CELF2: variants seen among roughly 807,000 people sequenced by gnomAD.
The protein encoded by CELF2 is CUGBP Elav-like family member 2.
A neutral mutation model predicts 62.6 loss-of-function variants in CELF2; 8 were observed. That is an observed-to-expected ratio of 0.13 (90% CI 0.07 to 0.23). CELF2 has a LOEUF of 0.23. Among genes scored for constraint, CELF2 ranks in the 10% least tolerant of loss-of-function variants. The probability of loss-of-function intolerance (pLI) is 1.00; values close to 1 mark genes in which losing one functional copy is unlikely to be tolerated. For synonymous variants in CELF2, 258 were observed against 250.0 expected (o/e 1.03, Z -0.30); for missense variants, 333 against 671.0 (o/e 0.50, Z 5.56).
chr10:10,641,271 C>T, the CELF2 span, among the ~76,000 whole-genome samples: 1 of 152,182 alleles, frequency 6.6e-6, no homozygotes, highest in Admixed American at 6.5e-5. Context: ...CAGCACGTGA[C>T]TTAGTTTCTG....
chr10:10,950,948 T>C (rs1403719585), intron 2 of CELF2, among the ~76,000 whole-genome samples: 10 of 152,202 alleles, frequency 6.6e-5, no homozygotes, highest in African/African-American at 2.2e-4. Flanking sequence ...GATTTGAGCA[T>C]TGTGGTGTGT....
chr10:11,321,661 A>T lies in CELF2; in HGVS notation c.1294+275A>T, dbSNP rs192697339. ...GGTCATGCCTGTGACTAGCCACTGC[A>T]CTCCATTCGGGGAACACAGACATAC... On this transcript the variant is annotated intron_variant, in intron 11 of 12. Transcript: ENST00000633077. The surrounding 1 kb of genome is among the most constrained non-coding windows in gnomAD (Gnocchi z 6.2). Among the ~76,000 whole-genome samples the T allele has an allele frequency of 5.2e-4, 79 of 152,138 alleles. No individual in the cohort carries two copies. Among genetic ancestry groups the T allele is most frequent in the African/African-American group, 1.9e-3 (77 of 41,422 alleles).
chr10:10,683,730 T>G, the CELF2 span, among the ~76,000 whole-genome samples: 1 of 152,204 alleles, frequency 6.6e-6, no homozygotes, highest in Non-Finnish European at 1.5e-5. Flanking sequence ...TCATATATGA[T>G]GGGCTTGGTT....
intron 2 of CELF2, among the ~76,000 whole-genome samples, chr10:11,000,109 C>T (rs898680464): frequency 1.3e-5 from 2 of 152,208 alleles, no homozygotes; most frequent in African/African-American, 4.8e-5. Context: ...CCATTGTGAA[C>T]ATGTTGTCTG....
intron 1 of CELF2, among the ~76,000 whole-genome samples, chr10:11,093,646 A>G (rs926745819): frequency 4.6e-5 from 7 of 152,218 alleles, no homozygotes; most frequent in African/African-American, 7.2e-5. Context: ...ATCTACAACT[A>G]TAAAATAGTT....
intron 1 of CELF2, among the ~76,000 whole-genome samples, chr10:11,009,977 T>C (rs894558832): frequency 2.0e-5 from 3 of 152,236 alleles, no homozygotes; most frequent in African/African-American, 4.8e-5. Context: ...GTCTGTGAAC[T>C]GACTAGCCTG....
chr10:10,496,963 G>A, the CELF2 span, among the ~76,000 whole-genome samples: 1 of 152,240 alleles, frequency 6.6e-6, no homozygotes, highest in South Asian at 2.1e-4. Flanking sequence ...GCCAAGGTGG[G>A]CGGATCACTT....
At chr10:10,862,239 C>T (rs1422568283) in intron 1 of CELF2, among the ~76,000 whole-genome samples, 1 of 152,102 alleles carries the variant, frequency 6.6e-6, no homozygotes. Context: ...TTTTATTTTG[C>T]TTACACTTTT....
In CELF2 at chr10:11,167,330, A is replaced by G. The variant is rs141336819; in HGVS notation, c.271+1648A>G. Among the ~76,000 whole-genome samples, 274 of 152,350 alleles carry G rather than the reference A, an allele frequency of 1.8e-3. 2 individuals carry two copies. Among genetic ancestry groups the G allele is most frequent in the Middle Eastern group, 6.8e-3 (2 of 294 alleles). On this transcript the variant is annotated intron_variant, in intron 2 of 12. Transcript: ENST00000633077. ...TCTCTCACCAGCCAGACTGTCACCT[A>G]GGGAAAACTAGACCAGAGGCAGTAA...
At chr10:10,548,814 T>TTTAA in the CELF2 span, among the ~76,000 whole-genome samples, 2 of 152,366 alleles carry the variant, frequency 1.3e-5, no homozygotes, top group East Asian at 3.9e-4. Context: ...ATATGCTATA[T>TTTAA]TTAATGATTG....
the CELF2 span, among the ~76,000 whole-genome samples, chr10:10,506,957 G>A: frequency 3.3e-5 from 5 of 152,000 alleles, no homozygotes; most frequent in East Asian, 1.9e-4. Context: ...GAGCCACTGC[G>A]CCTGGCTACC....
At chr10:10,686,081 C>T in the CELF2 span, among the ~76,000 whole-genome samples, 2 of 152,020 alleles carry the variant, frequency 1.3e-5, no homozygotes, top group Non-Finnish European at 2.9e-5. Context: ...ATTTTATTTA[C>T]AATTCAACAG....
chr10:10,967,326 T>C (rs2050223790), intron 2 of CELF2, among the ~76,000 whole-genome samples: 1 of 152,186 alleles, frequency 6.6e-6, no homozygotes, highest in African/African-American at 2.4e-5. Flanking sequence ...GAGGTCACTA[T>C]ATAGGAGAAA....
At chr10:10,605,987 C>T in the CELF2 span, among the ~76,000 whole-genome samples, 259 of 152,218 alleles carry the variant, frequency 1.7e-3, 1 homozygote, top group South Asian at 0.02. Flanking sequence ...ATTTTCAGGG[C>T]GATAAGTCAT....
In CELF2 at chr10:11,156,754, G is replaced by A. The variant is rs1445789972; in HGVS notation, c.75-8732G>A. Among the ~76,000 whole-genome samples the A allele has an allele frequency of 6.6e-6, 1 of 152,166 alleles. No homozygotes were observed. The highest frequency in any genetic ancestry group is 1.5e-5 in the Non-Finnish European group (1 of 68,046). The stretch of plus-strand genomic sequence containing the variant: ...CGCTGTTTCTGAGGTTCCGCGGTCA[G>A]AGAAGGGAAAGGCCAGAGCAAGCAG... On this transcript the variant is annotated intron_variant, in intron 1 of 12. Transcript: ENST00000633077. The surrounding 1 kb of genome is among the most constrained non-coding windows in gnomAD (Gnocchi z 4.3).
At chr10:10,904,841 G>A (rs528991164) in intron 1 of CELF2, among the ~76,000 whole-genome samples, 1 of 152,258 alleles carries the variant, frequency 6.6e-6, no homozygotes, top group Admixed American at 6.5e-5. Flanking sequence ...GTCATAGAAA[G>A]TATCAATTCC....
chr10:10,754,880 A>T, the CELF2 span, among the ~76,000 whole-genome samples: 3 of 152,232 alleles, frequency 2.0e-5, no homozygotes, highest in Non-Finnish European at 4.4e-5. Context: ...ATTCCTCAGC[A>T]GCAAGCCATC....
chr10:10,828,732 T>C (rs1252449964), intron 1 of CELF2, among the ~76,000 whole-genome samples: 2 of 152,214 alleles, frequency 1.3e-5, no homozygotes, highest in South Asian at 2.1e-4. Context: ...ATATTTATGT[T>C]CCAAACAGTA....
chr10:10,903,481 A>G (rs1668899683), intron 1 of CELF2, among the ~76,000 whole-genome samples: 1 of 152,224 alleles, frequency 6.6e-6, no homozygotes, highest in African/African-American at 2.4e-5. Flanking sequence ...TATGAAACAG[A>G]TAAAGAAGAA....
Sources: allele counts gnomAD v4.1 joint callset (sites outside exome capture counted in the v4.1 genomes callset), GRCh38; gene constraint gnomAD v4.1.1; non-coding constraint Gnocchi (gnomAD v3.1); transcripts MANE v1.5; gene names NCBI Gene and HGNC (gene_info 2026-07-23, HGNC 2026-07-21).